The following CNGB3 variants were observed in gnomAD, a reference collection of about 807,000 sequenced individuals.
CNGB3 encodes cyclic nucleotide gated channel subunit beta 3, also known as cyclic nucleotide-gated channel beta-3.
CNGB3 carries 86 observed loss-of-function variants against 92.8 expected under a neutral mutation model. The observed-to-expected ratio is 0.93, with a 90% confidence interval of 0.78 to 1.11. CNGB3 has a LOEUF of 1.11. Among genes scored for constraint, CNGB3 ranks in the 50% least tolerant of loss-of-function variants. CNGB3 has a pLI of 0.00. For synonymous variants in CNGB3, 333 were observed against 332.7 expected (o/e 1.00, Z -0.01); for missense variants, 1,026 against 956.8 (o/e 1.07, Z -0.95).
intron 2 of CNGB3, among the ~76,000 whole-genome samples, chr8:86,739,315 G>A (rs75997583): frequency 0.017 from 2,516 of 152,184 alleles, 74 homozygotes; most frequent in African/African-American, 0.058. Flanking sequence ...GTCTGAAATT[G>A]CATCGTTCAC....
chr8:86,651,389 A>C (rs914890288), intron 7 of CNGB3, among the ~76,000 whole-genome samples: 11 of 152,040 alleles, frequency 7.2e-5, no homozygotes, highest in African/African-American at 2.6e-4. Flanking sequence ...TAACCAGATT[A>C]GCTATTATAA....
At chr8:86,651,373 T>G (rs1306986985) in intron 7 of CNGB3, among the ~76,000 whole-genome samples, 1 of 151,916 alleles carries the variant, frequency 6.6e-6, no homozygotes, top group East Asian at 1.9e-4. Context: ...GACTTCTGGT[T>G]TGAATTAACC....
chr8:86,726,471 T>C, intron 3 of CNGB3, 60 bp downstream of exon 3: 1 of 1,608,848 alleles, frequency 6.2e-7, no homozygotes, highest in Non-Finnish European at 8.5e-7. Flanking sequence ...ATATTTGAGC[T>C]CTTTAGGGCA....
intron 15 of CNGB3, among the ~76,000 whole-genome samples, chr8:86,586,605 C>T (rs1390957850): frequency 1.2e-4 from 18 of 150,588 alleles, no homozygotes; most frequent in South Asian, 4.2e-4. Flanking sequence ...TTTGTTCTTG[C>T]GATAGTTTAC....
At chr8:86,692,380 A>G (rs1216314860) in intron 3 of CNGB3, among the ~76,000 whole-genome samples, 1 of 152,122 alleles carries the variant, frequency 6.6e-6, no homozygotes, top group Non-Finnish European at 1.5e-5. Context: ...AGGTCTATTA[A>G]TGATTGTTTT....
At chr8:86,647,229 T>C (rs1823306105) in intron 8 of CNGB3, among the ~76,000 whole-genome samples, 1 of 150,884 alleles carries the variant, frequency 6.6e-6, no homozygotes, top group Non-Finnish European at 1.5e-5. Flanking sequence ...TATATAAATA[T>C]ATTTTGGTAT....
chr8:86,673,105 G>A (rs1335940084), intron 3 of CNGB3, among the ~76,000 whole-genome samples: 1 of 152,180 alleles, frequency 6.6e-6, no homozygotes, highest in African/African-American at 2.4e-5. Context: ...TTTATGTACT[G>A]CAAATAGAAA....
At chr8:86,662,837 G>A (rs1823669913) in intron 6 of CNGB3, among the ~76,000 whole-genome samples, 1 of 152,082 alleles carries the variant, frequency 6.6e-6, no homozygotes, top group Non-Finnish European at 1.5e-5. Context: ...AACCGTCTCC[G>A]AGCCTAAATT....
At chr8:86,626,594 A>C (rs1478510601) in intron 12 of CNGB3, among the ~76,000 whole-genome samples, 1 of 152,192 alleles carries the variant, frequency 6.6e-6, no homozygotes, top group African/African-American at 2.4e-5. Context: ...AAAGAAGAAA[A>C]ACAAAAAGGA....
intron 3 of CNGB3, among the ~76,000 whole-genome samples, chr8:86,721,773 T>G (rs1202248152): frequency 6.6e-6 from 1 of 152,208 alleles, no homozygotes; most frequent in African/African-American, 2.4e-5. Context: ...TGCATTTTAT[T>G]TTTGTAAACT....
At position 86,668,052 on chromosome 8, in the gene CNGB3, T is replaced by C. The variant is rs764226037; in HGVS notation, c.610A>G (p.Ile204Val). The change falls in exon 5 of 18, where the codon ATT (isoleucine) becomes GTT (valine). Residue 204 changes from isoleucine to valine, a missense_variant. By Grantham distance (29) the Ile-to-Val change is conservative. Coordinates refer to ENST00000320005, the MANE Select transcript of CNGB3 (RefSeq NM_019098.5). ...KMPLTEYLKR[I>V]KLPNSIDSYT... ...GAATCTATGCTGTTTGGAAGTTTAATTCGCTTTAAGTACTCTGTTAAAGGC... is the reference window on the plus strand; with the variant it reads ...GAATCTATGCTGTTTGGAAGTTTAACTCGCTTTAAGTACTCTGTTAAAGGC... 2 of 1,614,146 alleles carry C rather than the reference T, an allele frequency of 1.2e-6. No homozygotes were observed. The highest frequency in any genetic ancestry group is 4.5e-5 in the East Asian group (2 of 44,866).
chr8:86,644,767 T>A (rs1823266074), intron 8 of CNGB3, 81 bp from the exon 9 acceptor site: 1 of 955,534 alleles, frequency 1.0e-6, no homozygotes, highest in South Asian at 3.2e-5. Flanking sequence ...GAAATAGATT[T>A]TATTACTGAA....
intron 15 of CNGB3, among the ~76,000 whole-genome samples, chr8:86,597,638 G>A (rs1822201985): frequency 6.6e-6 from 1 of 152,172 alleles, no homozygotes; most frequent in Non-Finnish European, 1.5e-5. Context: ...TGACTGGATA[G>A]AGTGTGGTGC....
chr8:86,676,085 GA>G (rs1200626636), intron 3 of CNGB3, among the ~76,000 whole-genome samples: 4 of 152,148 alleles, frequency 2.6e-5, no homozygotes, highest in African/African-American at 9.7e-5. Context: ...TTTTAAGAAA[GA>G]GAACATTTAT....
intron 9 of CNGB3, 87 bp downstream of exon 9, chr8:86,644,535 G>A: frequency 3.3e-6 from 5 of 1,523,642 alleles, no homozygotes; most frequent in South Asian, 1.2e-5. Context: ...TTTTTGAAGA[G>A]GGGGGTCATA....
intron 3 of CNGB3, among the ~76,000 whole-genome samples, chr8:86,712,290 T>G (rs1263836734): frequency 6.6e-6 from 1 of 152,132 alleles, no homozygotes; most frequent in Non-Finnish European, 1.5e-5. Flanking sequence ...ATGCAAAGTC[T>G]TTTTTATTTT....
Position 86,743,550 on chromosome 8 carries a change from C to A in CNGB3, c.78G>T (p.Arg26=). The change falls in exon 1 of 18, where the codon CGG becomes CGT. Residue 26 remains arginine, a synonymous_variant. Transcript: ENST00000320005. ...ENNENEQSSR[R]NEEGSHPSNQ... is the part of the protein sequence containing the mutation. ...TACTTGGGTGAGAGCCTTCTTCATT[C>A]CGACGAGAACTTTGTTCATTCTCAT... The A allele has an allele frequency of 6.2e-7, 1 of 1,614,028 alleles. No homozygotes were observed. The highest frequency in any genetic ancestry group is 8.5e-7 in the Non-Finnish European group (1 of 1,179,926).
chr8:86,603,787 A>G (rs1034714062), intron 15 of CNGB3, among the ~76,000 whole-genome samples: 1 of 152,150 alleles, frequency 6.6e-6, no homozygotes, highest in African/African-American at 2.4e-5. Flanking sequence ...ATCTGGTAAC[A>G]ATGAACCCTC....
chr8:86,592,962 G>A (rs983063947), intron 15 of CNGB3, among the ~76,000 whole-genome samples: 2 of 152,144 alleles, frequency 1.3e-5, no homozygotes, highest in Non-Finnish European at 2.9e-5. Context: ...TTTATGGCTA[G>A]GCAAATATCA....
Sources: gnomAD v4.1 joint callset for allele counts (sites outside exome capture counted in the v4.1 genomes callset) on GRCh38, gnomAD v4.1.1 for gene constraint, MANE v1.5 for transcripts, NCBI Gene and HGNC (gene_info 2026-07-23, HGNC 2026-07-21) for gene names.